SORCS1: variants seen among roughly 807,000 people sequenced by gnomAD.
SORCS1 encodes sortilin related VPS10 domain containing receptor 1.
Under a neutral mutation model 146.1 loss-of-function variants are expected in SORCS1, and 60 were observed. That is an observed-to-expected ratio of 0.41 (90% CI 0.33 to 0.51). The LOEUF (loss-of-function observed/expected upper bound fraction) is 0.51. SORCS1 is among the 20% of genes least tolerant of loss of function. The probability of loss-of-function intolerance (pLI) is 0.21; values close to 1 mark genes in which losing one functional copy is unlikely to be tolerated. For synonymous variants in SORCS1, 637 were observed against 584.0 expected (o/e 1.09, Z -1.31); for missense variants, 1,352 against 1,487.6 (o/e 0.91, Z 1.50).
intron 4 of SORCS1, among the ~76,000 whole-genome samples, chr10:106,771,456 A>G (rs1000492400): frequency 8.5e-5 from 13 of 152,218 alleles, no homozygotes; most frequent in African/African-American, 2.7e-4. Context: ...TATTGAGGCA[A>G]GAAAGTCAGC....
chr10:106,605,494 G>A (rs981795181), intron 23 of SORCS1, among the ~76,000 whole-genome samples: 2 of 152,186 alleles, frequency 1.3e-5, no homozygotes, highest in African/African-American at 2.4e-5. Context: ...TGGATTTCAT[G>A]AAAAACCAGT....
intron 1 of SORCS1, among the ~76,000 whole-genome samples, chr10:107,106,398 A>G (rs1288138353): frequency 6.6e-6 from 1 of 152,224 alleles, no homozygotes; most frequent in Non-Finnish European, 1.5e-5. Context: ...GATGTTATGA[A>G]CAGATGAGTA....
rs1025882855 is a variant in SORCS1, at chr10:106,575,198, C to T, written c.*2222G>A. On this transcript the variant is annotated 3_prime_UTR_variant, in exon 26 of 26. Coordinates refer to ENST00000263054, the MANE Select transcript of SORCS1 (RefSeq NM_052918.5). ...AGGATGTTTCCTATGAGATAGGAAG[C>T]CTGGCAGGTTGGGGATCAATTGAGT... 1.3e-5 allele frequency: 2 copies of T among 152,586 alleles called. No homozygotes were observed. Among genetic ancestry groups the T allele is most frequent in the Non-Finnish European group, 2.9e-5 (2 of 68,026 alleles). 9.5% of individuals were successfully genotyped at this position (152,586 alleles called of 1,614,324 possible).
chr10:107,001,932 T>G (rs1336809392), intron 1 of SORCS1, among the ~76,000 whole-genome samples: 1 of 152,258 alleles, frequency 6.6e-6, no homozygotes, highest in Non-Finnish European at 1.5e-5. Flanking sequence ...AGAAGGAATT[T>G]ATTAACTTTT....
intron 1 of SORCS1, among the ~76,000 whole-genome samples, chr10:107,133,002 C>G (rs552219508): frequency 6.6e-6 from 1 of 152,282 alleles, no homozygotes; most frequent in East Asian, 1.9e-4. Flanking sequence ...ACAAAGGGAA[C>G]TTTCCTTACA....
chr10:106,707,189 A>T (rs1336935517), intron 7 of SORCS1, among the ~76,000 whole-genome samples: 1 of 145,082 alleles, frequency 6.9e-6, no homozygotes, highest in African/African-American at 2.6e-5. Context: ...ATTTAATTTA[A>T]TTTTTTTTTT....
chr10:106,817,024 G>A (rs1947779376), intron 3 of SORCS1, among the ~76,000 whole-genome samples: 2 of 152,206 alleles, frequency 1.3e-5, no homozygotes, highest in South Asian at 4.1e-4. Context: ...CAGTATTAGT[G>A]AGTGGAGAAA....
intron 1 of SORCS1, among the ~76,000 whole-genome samples, chr10:107,038,993 A>C (rs1001472628): frequency 1.3e-5 from 2 of 152,186 alleles, no homozygotes; most frequent in Non-Finnish European, 2.9e-5. Context: ...GCTAAGTAAT[A>C]TGAAAGTAAT....
intron 1 of SORCS1, among the ~76,000 whole-genome samples, chr10:107,153,214 T>C (rs1271944530): frequency 1.3e-5 from 2 of 152,056 alleles, no homozygotes; most frequent in Non-Finnish European, 2.9e-5. Context: ...GGAGCTCTCT[T>C]TCCAATCAGT....
intron 2 of SORCS1, among the ~76,000 whole-genome samples, chr10:106,939,679 C>T (rs907616874): frequency 6.6e-6 from 1 of 152,202 alleles, no homozygotes; most frequent in Non-Finnish European, 1.5e-5. Flanking sequence ...AGAAATAAAG[C>T]TGTGCTGAGG....
intron 1 of SORCS1, among the ~76,000 whole-genome samples, chr10:107,042,589 T>C (rs1260292875): frequency 1.3e-5 from 2 of 150,392 alleles, no homozygotes; most frequent in African/African-American, 5.0e-5. Context: ...AACCCCTGAT[T>C]TTACCAGCGG....
intron 1 of SORCS1, among the ~76,000 whole-genome samples, chr10:107,015,418 A>G (rs1168995244): frequency 6.6e-6 from 1 of 152,158 alleles, no homozygotes; most frequent in Non-Finnish European, 1.5e-5. Context: ...GTGGTATTTG[A>G]GCAAAGAGTT....
chr10:106,748,141 A>T (rs1305700269), intron 5 of SORCS1, among the ~76,000 whole-genome samples: 1 of 152,068 alleles, frequency 6.6e-6, no homozygotes, highest in Non-Finnish European at 1.5e-5. Context: ...CTCTTCATAG[A>T]TACTGAGTTT....
intron 1 of SORCS1, among the ~76,000 whole-genome samples, chr10:106,987,534 G>A (rs1055090525): frequency 5.9e-5 from 9 of 152,168 alleles, no homozygotes; most frequent in Admixed American, 5.2e-4. Context: ...GTGTGCAGCA[G>A]CTCTCTTCTT....
chr10:107,137,992 C>A (rs1967474986), intron 1 of SORCS1, among the ~76,000 whole-genome samples: 1 of 152,050 alleles, frequency 6.6e-6, no homozygotes, highest in African/African-American at 2.4e-5. Context: ...TATTACGTTC[C>A]TGAAATATAA....
intron 1 of SORCS1, among the ~76,000 whole-genome samples, chr10:107,039,123 A>T (rs908053941): frequency 6.6e-6 from 1 of 152,056 alleles, no homozygotes; most frequent in East Asian, 1.9e-4. Context: ...AGGTCAGGAG[A>T]TCGAGACCAT....
intron 17 of SORCS1, among the ~76,000 whole-genome samples, chr10:106,665,977 A>G (rs1340616380): frequency 6.6e-6 from 1 of 152,108 alleles, no homozygotes; most frequent in African/African-American, 2.4e-5. Context: ...AGTAGCTGGG[A>G]CTACAGGCAC....
At chr10:107,088,331 C>T (rs1963921836) in intron 1 of SORCS1, among the ~76,000 whole-genome samples, 1 of 152,034 alleles carries the variant, frequency 6.6e-6, no homozygotes, top group African/African-American at 2.4e-5. Flanking sequence ...TTAAGATAAA[C>T]ATTAGGGAGG....
intron 3 of SORCS1, among the ~76,000 whole-genome samples, chr10:106,780,072 T>G (rs1012299020): frequency 1.3e-5 from 2 of 152,156 alleles, no homozygotes; most frequent in Non-Finnish European, 2.9e-5. Flanking sequence ...AGTAAAAAAT[T>G]TAATGCGATC....
Sources: gnomAD v4.1 joint callset for allele counts (sites outside exome capture counted in the v4.1 genomes callset) on GRCh38, gnomAD v4.1.1 for gene constraint, MANE v1.5 for transcripts, NCBI Gene and HGNC (gene_info 2026-07-23, HGNC 2026-07-21) for gene names.